RAP1GAP2: variants seen among roughly 807,000 people sequenced by gnomAD.
The protein encoded by RAP1GAP2 is RAP1 GTPase activating protein 2.
Under a neutral mutation model 95.0 loss-of-function variants are expected in RAP1GAP2, and 27 were observed. The observed-to-expected ratio is 0.28, with a 90% CI of 0.21 to 0.39. The LOEUF (loss-of-function observed/expected upper bound fraction) is 0.39, where lower values mean the gene tolerates loss of function less well. RAP1GAP2 is among the 10% of genes least tolerant of loss of function. The probability of loss-of-function intolerance (pLI) is 1.00; values close to 1 mark genes in which losing one functional copy is unlikely to be tolerated. For missense variants in RAP1GAP2, 771 were observed against 970.0 expected, an observed-to-expected ratio of 0.79 and a Z score of 2.72; for synonymous variants, 373 against 380.9, an observed-to-expected ratio of 0.98 and a Z score of 0.24.
chr17:3,021,686 T>C (rs1165457266), intron 19 of RAP1GAP2, among the ~76,000 whole-genome samples: 2 of 152,200 alleles, frequency 1.3e-5, no homozygotes, highest in Non-Finnish European at 2.9e-5. Flanking sequence ...CCACCCGCCT[T>C]GGCCTCCCAA....
intron 2 of RAP1GAP2, among the ~76,000 whole-genome samples, chr17:2,832,921 A>G (rs1270714029): frequency 2.0e-5 from 3 of 150,346 alleles, no homozygotes; most frequent in Admixed American, 6.7e-5. Context: ...AGAGGTTGCA[A>G]TGAGCGAGAT....
At chr17:2,979,467 T>TG (rs1167075692) in intron 8 of RAP1GAP2, among the ~76,000 whole-genome samples, 1 of 139,304 alleles carries the variant, frequency 7.2e-6, no homozygotes, top group African/African-American at 2.7e-5. Flanking sequence ...TCTGTTTTTT[T>TG]TTTTTTTTTT....
chr17:2,766,600 A>T (rs1475393812), intron 1 of RAP1GAP2, among the ~76,000 whole-genome samples: 2 of 150,832 alleles, frequency 1.3e-5, no homozygotes, highest in East Asian at 3.9e-4. Flanking sequence ...ACAGAGAAAG[A>T]CTCCGTCTAA....
In RAP1GAP2 at chr17:3,005,838, A is replaced by AG. The variant is rs2046313817; in HGVS notation, c.1273-114dup. On this transcript the variant is annotated intron_variant, in intron 15 of 24. Transcript: ENST00000254695. This position sits in a 1 kb window ranked among gnomAD's most constrained non-coding sequence, Gnocchi z 5.2. ...GGGCTAGAAATGATCCGCTGTCGGA[A>AG]GGGACTTTTCAGGGGTTCTCCCCAT... 1.0e-6 allele frequency: 1 copy of AG among 964,360 alleles called. No individual in the cohort carries two copies. 59.7% of individuals were successfully genotyped at this position (964,360 alleles called of 1,614,324 possible). A position where few individuals can be genotyped will look rare whatever the true frequency, so the allele number is the denominator to read the frequency against.
At chr17:2,905,026 C>T (rs529559289) in intron 2 of RAP1GAP2, among the ~76,000 whole-genome samples, 2 of 152,262 alleles carry the variant, frequency 1.3e-5, no homozygotes, top group African/African-American at 4.8e-5. Flanking sequence ...GGACTACAGG[C>T]GTGCACCACC....
chr17:2,800,602 C>T (rs1404373494), intron 2 of RAP1GAP2, 52 bp downstream of exon 2: 28 of 1,581,524 alleles, frequency 1.8e-5, no homozygotes, highest in Admixed American at 1.1e-4. Context: ...CGGATCAGAG[C>T]GCCGGGCCCT....
chr17:2,896,679 T>C (rs1027952781), intron 2 of RAP1GAP2, among the ~76,000 whole-genome samples: 48 of 152,200 alleles, frequency 3.2e-4, no homozygotes, highest in Non-Finnish European at 2.4e-4. Context: ...CACAGGGCTG[T>C]GGAGGGGCTG....
At chr17:2,844,053 C>T (rs936717074) in intron 2 of RAP1GAP2, among the ~76,000 whole-genome samples, 2 of 151,942 alleles carry the variant, frequency 1.3e-5, no homozygotes, top group African/African-American at 4.8e-5. Context: ...CGGAGTCTTG[C>T]TGTGTCGCCC....
At chr17:2,888,990 T>G (rs1467875700) in intron 2 of RAP1GAP2, among the ~76,000 whole-genome samples, 1 of 152,086 alleles carries the variant, frequency 6.6e-6, no homozygotes, top group Non-Finnish European at 1.5e-5. Context: ...TACATTCTTC[T>G]GTTTATAGAC....
rs146149547 is a variant in RAP1GAP2 at position 3,026,357 on chromosome 17, A to G, written c.1873A>G (p.Met625Val). Reference protein sequence around the residue: ...EICPNKEKPFMKLKENGRAIS... With the variant: ...EICPNKEKPFVKLKENGRAIS... ...ACTTCCTATTCCCTGCAGGCCCTTCATGAAGTTGAAGGAAAACGGCCGTGC... is the reference window on the plus strand; with the variant it reads ...ACTTCCTATTCCCTGCAGGCCCTTCGTGAAGTTGAAGGAAAACGGCCGTGC... Residue 625 changes from methionine to valine, a missense_variant, in exon 21 of 25, where the codon ATG (methionine) becomes GTG (valine). By Grantham distance (21) the Met-to-Val change is conservative (BLOSUM62 1). Transcript: ENST00000254695. The G allele has an allele frequency of 6.4e-5, 100 of 1,550,680 alleles. 1 individual carries two copies. The East Asian group carries it at 2.3e-3, about 36-fold the overall frequency.
chr17:3,020,543 T>C lies in RAP1GAP2; in HGVS notation c.1699T>C (p.Phe567Leu). 6.2e-7 allele frequency: 1 copy of C among 1,613,844 alleles called. No homozygotes were observed. Among genetic ancestry groups the C allele is most frequent in the African/African-American group, 1.3e-5 (1 of 75,044 alleles). Residue 567 changes from phenylalanine (F) to leucine (L), a missense_variant, in exon 19 of 25, where the codon TTC becomes CTC. By Grantham distance (22) the Phe-to-Leu change is conservative (BLOSUM62 0). Transcript: ENST00000254695. ...RSPIKRRSGL[F>L]PRLHTGSEGQ... Reference sequence around the variant, plus strand: ...TCCCATCAAGCGACGCTCGGGGCTCTTCCCCCGCCTGCACACGGGCTCAGA... The same window carrying C: ...TCCCATCAAGCGACGCTCGGGGCTCCTCCCCCGCCTGCACACGGGCTCAGA...
In RAP1GAP2 at chr17:2,827,663, C is replaced by T. The variant is rs1266597889; in HGVS notation, c.80+27113C>T. ...TCTCTACTAAAAATACAAAAATTAG[C>T]CGGGCGTGGTGGTACCTGCCTGTAA... On this transcript the variant is annotated intron_variant, in intron 2 of 24. Transcript: ENST00000254695. This position sits in a 1 kb window ranked among gnomAD's most constrained non-coding sequence, Gnocchi z 4.1. Among the ~76,000 whole-genome samples, 3 of 152,100 alleles carry T rather than the reference C, an allele frequency of 2.0e-5. No individual in the cohort carries two copies. The East Asian group carries it at 5.8e-4, about 30-fold the overall frequency.
rs186786522 is a variant in RAP1GAP2, at chr17:2,902,146, C to T, written c.81-3138C>T. 1.1e-4 allele frequency among the ~76,000 whole-genome samples: 17 copies of T among 152,226 alleles called. No homozygotes were observed. Among genetic ancestry groups the T allele is most frequent in the East Asian group, 9.7e-4 (5 of 5,176 alleles). On this transcript the variant is annotated intron_variant, in intron 2 of 24. Transcript: ENST00000254695. The surrounding 1 kb of genome is among the most constrained non-coding windows in gnomAD (Gnocchi z 4.1). The stretch of plus-strand genomic sequence containing the variant: ...GCCTCAGCATGCGTTGGCTTGCAGC[C>T]GCATCACTCCTGTGTCTGCCTGAGA...
In RAP1GAP2 at chr17:3,008,764, G is replaced by T. The variant is rs903897715; in HGVS notation, c.1494+619G>T. ...GGCCCCCGAGCTGGCGTGTGGTAGAGGTTTTTCATCTTATGCTTGCTGAGT... is the reference window on the plus strand; with the variant it reads ...GGCCCCCGAGCTGGCGTGTGGTAGATGTTTTTCATCTTATGCTTGCTGAGT... On this transcript the variant is annotated intron_variant, in intron 17 of 24. Transcript: ENST00000254695. The surrounding 1 kb of genome is among the most constrained non-coding windows in gnomAD (Gnocchi z 4.2). 6.6e-6 allele frequency among the ~76,000 whole-genome samples: 1 copy of T among 152,220 alleles called. No homozygotes were observed. Among genetic ancestry groups the T allele is most frequent in the Admixed American group, 6.5e-5 (1 of 15,292 alleles).
chr17:3,037,377 C>CCCCCCCCCCCCCCCG lies in RAP1GAP2; in HGVS notation c.*4016_*4017insCCCCCCCCCCCCCCG, dbSNP rs879226258. 2 of 54,902 alleles carry CCCCCCCCCCCCCCCG rather than the reference C, an allele frequency of 3.6e-5. No homozygotes were observed. The highest frequency in any genetic ancestry group is 1.1e-4 in the Non-Finnish European group (2 of 17,974). The allele number at this position is 54,902 out of a possible 1,614,324, so 3.4% of individuals were successfully genotyped here. A position where few individuals can be genotyped will look rare whatever the true frequency, so the allele number is the denominator to read the frequency against. ...GAAGTGTGAACTACCCCCCCCCCCC[C>CCCCCCCCCCCCCCCG]GCTTCCTGCTCCTTAGCATGCGTGC... is the stretch of plus-strand genomic sequence containing the variant. On this transcript the variant is annotated 3_prime_UTR_variant, in exon 25 of 25. Coordinates refer to ENST00000254695, the MANE Select transcript of RAP1GAP2 (RefSeq NM_015085.5).
chr17:2,999,078 T>A (rs955948988), intron 14 of RAP1GAP2, among the ~76,000 whole-genome samples: 8 of 152,188 alleles, frequency 5.3e-5, no homozygotes, highest in African/African-American at 1.4e-4. Flanking sequence ...CGCAAGCACC[T>A]GGGTCTGAAC....
chr17:2,853,934 G>T (rs1482962556), intron 2 of RAP1GAP2: 2 of 981,846 alleles, frequency 2.0e-6, no homozygotes, highest in Admixed American at 1.3e-4. Context: ...GGTGCGGAGC[G>T]CGCGGAGCCG....
At chr17:3,010,754 A>G (rs2046505393) in intron 17 of RAP1GAP2, among the ~76,000 whole-genome samples, 1 of 152,106 alleles carries the variant, frequency 6.6e-6, no homozygotes, top group Non-Finnish European at 1.5e-5. Flanking sequence ...GATCCAGGGA[A>G]TTCTTTTCAA....
At chr17:2,853,817 G>C (rs140644822) in intron 2 of RAP1GAP2, 1 of 605,078 alleles carries the variant, frequency 1.7e-6, no homozygotes, top group Non-Finnish European at 2.1e-6. Flanking sequence ...GAAGGTCGCC[G>C]GGAGGGAGGG....
Sources: gnomAD v4.1 joint callset for allele counts (sites outside exome capture counted in the v4.1 genomes callset) on GRCh38, gnomAD v4.1.1 for gene constraint, Gnocchi (gnomAD v3.1) non-coding constraint, MANE v1.5 for transcripts, NCBI Gene and HGNC (gene_info 2026-07-23, HGNC 2026-07-21) for gene names.